The following SEMA5B variants were observed in gnomAD, a reference collection of about 807,000 sequenced individuals.
SEMA5B encodes semaphorin-5B.
Under a neutral mutation model 135.0 loss-of-function variants are expected in SEMA5B, and 66 were observed. That is an observed-to-expected ratio of 0.49 (90% confidence interval 0.40 to 0.60). The LOEUF (loss-of-function observed/expected upper bound fraction) is 0.60, where lower values mean the gene tolerates loss of function less well. Ranked by LOEUF, SEMA5B falls within the 20% of genes least tolerant of loss-of-function variation. The probability of loss-of-function intolerance (pLI) is 0.00; values close to 1 mark genes in which losing one functional copy is unlikely to be tolerated. For synonymous variants in SEMA5B, 690 were observed against 639.5 expected (o/e 1.08, Z -1.19); for missense variants, 1,501 against 1,566.3 (o/e 0.96, Z 0.70).
At chr3:122,955,965 T>C (rs374056617) in intron 2 of SEMA5B, among the ~76,000 whole-genome samples, 3 of 152,300 alleles carry the variant, frequency 2.0e-5, no homozygotes, top group Non-Finnish European at 1.5e-5. Context: ...CCATGGTCCT[T>C]GCCTTCAAGG....
At position 122,961,162 on chromosome 3, in the gene SEMA5B, G is replaced by A; in HGVS notation, c.102C>T (p.Gly34=). 1 of 1,613,082 alleles carries A rather than the reference G, an allele frequency of 6.2e-7. No individual in the cohort carries two copies. The highest frequency in any genetic ancestry group is 1.3e-5 in the African/African-American group (1 of 74,964). Residue 34 remains glycine (G), a synonymous_variant, in exon 2 of 23, where the codon GGC becomes GGT. Coordinates refer to ENST00000357599, the MANE Select transcript of SEMA5B (RefSeq NM_001031702.4). ...TACCCCTGACCAGTGAGAGAAGCCA[G>A]CCCCCTACTGTCCATCCACACCTTA... is the stretch of plus-strand genomic sequence containing the variant. The part of the protein sequence containing the change: ...QQLRCGWTVG[G]WLLSLVRGLL...
chr3:122,987,896 G>T (rs1941750938), intron 1 of SEMA5B, among the ~76,000 whole-genome samples: 1 of 151,992 alleles, frequency 6.6e-6, no homozygotes, highest in Middle Eastern at 3.4e-3. Flanking sequence ...AAAATAGCTG[G>T]CAGTGCTCCA....
At chr3:122,955,987 T>C (rs879311859) in intron 2 of SEMA5B, among the ~76,000 whole-genome samples, 5 of 152,128 alleles carry the variant, frequency 3.3e-5, no homozygotes, top group Admixed American at 3.3e-4. Context: ...GCTTACAGTC[T>C]AAAAGAGGAG....
At chr3:122,983,649 C>G (rs908667267) in intron 1 of SEMA5B, among the ~76,000 whole-genome samples, 1 of 125,632 alleles carries the variant, frequency 8.0e-6, no homozygotes, top group East Asian at 2.6e-4. Flanking sequence ...ACCCGGGAGG[C>G]GGAGCTTGCA....
chr3:122,945,628 G>A (rs1939752483), intron 3 of SEMA5B, among the ~76,000 whole-genome samples: 1 of 152,272 alleles, frequency 6.6e-6, no homozygotes, highest in Admixed American at 6.5e-5. Context: ...CTCCCTAACA[G>A]CAGCAAGCAC....
Position 122,961,267 on chromosome 3 carries a change from A to G in SEMA5B, c.-4T>C, listed in dbSNP as rs776023909. 6.2e-7 allele frequency: 1 copy of G among 1,614,028 alleles called. No individual in the cohort carries two copies. The highest frequency in any genetic ancestry group is 8.5e-7 in the Non-Finnish European group (1 of 1,179,940). On this transcript the variant is annotated 5_prime_UTR_variant, in exon 2 of 23. Coordinates refer to ENST00000357599, the MANE Select transcript of SEMA5B (RefSeq NM_001031702.4). ...ACGGACTGAAGCCACAGGGCATCCA[A>G]GAGACACAGGCCAGGCACCAGCTGG...
At chr3:122,920,001 G>A (rs767989017) in intron 12 of SEMA5B, among the ~76,000 whole-genome samples, 30 of 152,018 alleles carry the variant, frequency 2.0e-4, no homozygotes, top group Middle Eastern at 3.4e-3. Context: ...CCTTCCTCCC[G>A]TCCACTGCAG....
chr3:122,940,995 A>G (rs983790293), intron 4 of SEMA5B, among the ~76,000 whole-genome samples: 10 of 152,166 alleles, frequency 6.6e-5, no homozygotes, highest in Non-Finnish European at 1.3e-4. Context: ...ATTCATCACA[A>G]CATCGCAGTC....
At chr3:123,006,236 G>A (rs1339000049) in intron 1 of SEMA5B, among the ~76,000 whole-genome samples, 2 of 152,178 alleles carry the variant, frequency 1.3e-5, no homozygotes, top group South Asian at 2.1e-4. Context: ...GGTGGTACAT[G>A]AACCAAATGA....
chr3:122,949,014 G>A (rs531911797), intron 2 of SEMA5B, among the ~76,000 whole-genome samples: 16 of 152,174 alleles, frequency 1.1e-4, no homozygotes, highest in Non-Finnish European at 2.2e-4. Flanking sequence ...TTAATAAATG[G>A]AGCTGAGGCC....
At chr3:122,960,024 G>A (rs1240590811) in intron 2 of SEMA5B, among the ~76,000 whole-genome samples, 1 of 152,120 alleles carries the variant, frequency 6.6e-6, no homozygotes, top group African/African-American at 2.4e-5. Flanking sequence ...TCCTCCCCCT[G>A]GGCAGGCTCT....
At chr3:122,992,409 A>T (rs1239266030) in intron 1 of SEMA5B, among the ~76,000 whole-genome samples, 1 of 152,226 alleles carries the variant, frequency 6.6e-6, no homozygotes, top group African/African-American at 2.4e-5. Context: ...CCCTTCACCT[A>T]GCAGGGGTTA....
At chr3:123,004,245 G>T (rs1360915028) in intron 1 of SEMA5B, among the ~76,000 whole-genome samples, 1 of 152,220 alleles carries the variant, frequency 6.6e-6, no homozygotes, top group Non-Finnish European at 1.5e-5. Flanking sequence ...TATAAGAAAT[G>T]CAAATTAAAA....
rs748385992 is a variant in SEMA5B, at chr3:122,926,809, C to T, written c.851-132G>A. On this transcript the variant is annotated intron_variant, in intron 8 of 22. Transcript: ENST00000357599. ...ATCCTTCTCTCTGCAATCTTGGTGA[C>T]CTGGGGGCCCTAACTAACTCTCTTC... 3.1e-6 allele frequency: 3 copies of T among 983,386 alleles called. No individual in the cohort carries two copies. The Admixed American group carries it at 7.2e-5, about 24-fold the overall frequency. The allele number at this position is 983,386 out of a possible 1,614,324, so 60.9% of individuals were successfully genotyped here.
At chr3:122,989,897 G>C (rs1376334213) in intron 1 of SEMA5B, among the ~76,000 whole-genome samples, 1 of 152,200 alleles carries the variant, frequency 6.6e-6, no homozygotes, top group East Asian at 1.9e-4. Context: ...GTTAGGCAGA[G>C]ACCATGAAGA....
chr3:122,955,124 T>C (rs1237674747), intron 2 of SEMA5B, among the ~76,000 whole-genome samples: 1 of 152,034 alleles, frequency 6.6e-6, no homozygotes, highest in Non-Finnish European at 1.5e-5. Flanking sequence ...CTTTTTTTTT[T>C]TTAGACCGTG....
chr3:122,970,700 T>A (rs910981070), intron 1 of SEMA5B, among the ~76,000 whole-genome samples: 1 of 152,158 alleles, frequency 6.6e-6, no homozygotes, highest in Non-Finnish European at 1.5e-5. Flanking sequence ...TCCTGCAAGG[T>A]AGGTATTATT....
In SEMA5B at chr3:122,929,062, G is replaced by C. The variant is rs1448374550; in HGVS notation, c.475-4C>G. 1 of 1,611,188 alleles carries C rather than the reference G, an allele frequency of 6.2e-7. No homozygotes were observed. The highest frequency in any genetic ancestry group is 1.1e-5 in the South Asian group (1 of 91,056). The stretch of plus-strand genomic sequence containing the variant: ...CACTGGAGGCCCACTCTGTGGCCTG[G>C]GGGAGGAACATAGGAGCACACAGAC... On this transcript the variant is annotated splice_polypyrimidine_tract_variant and splice_region_variant and intron_variant, in intron 5 of 22. Transcript: ENST00000357599.
chr3:122,948,818 A>G (rs1429620772), intron 2 of SEMA5B, 109 bp from the exon 3 acceptor site: 1 of 877,078 alleles, frequency 1.1e-6, no homozygotes, highest in Non-Finnish European at 1.7e-6. Flanking sequence ...ATAAATTTCT[A>G]TTGTATTTAT....
Sources: allele counts gnomAD v4.1 joint callset (sites outside exome capture counted in the v4.1 genomes callset), GRCh38; gene constraint gnomAD v4.1.1; transcripts MANE v1.5; gene names NCBI Gene and HGNC (gene_info 2026-07-23, HGNC 2026-07-21).